NBN: variants seen among roughly 807,000 people sequenced by gnomAD.
NBN encodes nibrin.
In NBN, 88 loss-of-function variants were observed where a neutral mutation model predicts 90.8. The observed-to-expected ratio is 0.97, with a 90% CI of 0.82 to 1.16. The LOEUF is 1.16. Ranked by LOEUF, NBN falls within the 50% of genes most tolerant of loss-of-function variation. NBN has a pLI of 0.00. For synonymous variants in NBN, 328 were observed against 295.1 expected (o/e 1.11, Z -1.14); for missense variants, 894 against 869.6 (o/e 1.03, Z -0.35).
At chr8:89,941,180 T>C (rs1412667232) in intron 14 of NBN, among the ~76,000 whole-genome samples, 1 of 152,036 alleles carries the variant, frequency 6.6e-6, no homozygotes, top group Non-Finnish European at 1.5e-5. Flanking sequence ...TAGAAAAAAG[T>C]TCCTTGAGAA....
chr8:89,960,442 G>A (rs1278353326), intron 8 of NBN, among the ~76,000 whole-genome samples: 1 of 152,224 alleles, frequency 6.6e-6, no homozygotes, highest in South Asian at 2.1e-4. Flanking sequence ...TTGAGGCCAG[G>A]AGTTAAGAGA....
chr8:89,982,725 G>A lies in NBN; in HGVS notation c.168C>T (p.Asn56=), dbSNP rs1586111516. 1.2e-6 allele frequency: 2 copies of A among 1,613,120 alleles called. No homozygotes were observed. The highest frequency in any genetic ancestry group is 1.1e-5 in the South Asian group (1 of 91,070). The change falls in exon 2 of 16, where the codon AAC becomes AAT. Residue 56 remains asparagine, a synonymous_variant. Coordinates refer to ENST00000265433, the MANE Select transcript of NBN (RefSeq NM_002485.5). ...AVLTANFSVT[N]LSQTDEIPVL... ...TGAAATAAAATTAGTAACATACCAG[G>A]TTGGTTACAGAAAAGTTAGCAGTTA...
intron 7 of NBN, among the ~76,000 whole-genome samples, chr8:89,964,719 T>C (rs949388612): frequency 5.3e-5 from 8 of 152,136 alleles, no homozygotes; most frequent in Non-Finnish European, 2.9e-5. Flanking sequence ...ATTAACTTCA[T>C]CTGTAAAATA....
At position 89,968,859 on chromosome 8, in the gene NBN, C is replaced by T. The variant is rs554065983; in HGVS notation, c.896+1505G>A. Among the ~76,000 whole-genome samples the T allele has an allele frequency of 1.2e-4, 18 of 152,102 alleles. No homozygotes were observed. In the South Asian group the frequency reaches 3.7e-3, roughly 32 times the overall value. On this transcript the variant is annotated intron_variant, in intron 7 of 15. Transcript: ENST00000265433. ...CTTGTTTTTCATTATATTTCCAGTGCCTAAAACACAATGGAACTACAGTAA... is the reference window on the plus strand; with the variant it reads ...CTTGTTTTTCATTATATTTCCAGTGTCTAAAACACAATGGAACTACAGTAA...
At chr8:89,940,263 GTTTT>G (rs749458934) in intron 14 of NBN, among the ~76,000 whole-genome samples, 4 of 151,660 alleles carry the variant, frequency 2.6e-5, no homozygotes, top group Non-Finnish European at 4.4e-5. Flanking sequence ...AATTTGTTGT[GTTTT>G]TTTGTTTGTT....
intron 5 of NBN, among the ~76,000 whole-genome samples, chr8:89,977,766 G>A (rs1271293697): frequency 1.3e-5 from 2 of 152,138 alleles, no homozygotes; most frequent in Non-Finnish European, 2.9e-5. Flanking sequence ...AGCTAGGTAG[G>A]TATTACTCTC....
In NBN at chr8:89,937,307, T is replaced by C. The variant is rs1809738349; in HGVS notation, c.2185-232A>G. On this transcript the variant is annotated intron_variant, in intron 14 of 15. Transcript: ENST00000265433. ...ACAGCTTTCTCCCACCCATCTCCAC[T>C]CAAAGACAACCAATAGTATATTGCT... The C allele has an allele frequency of 5.6e-6, 3 of 535,818 alleles. No individual in the cohort carries two copies. In the African/African-American group the frequency reaches 5.7e-5, roughly 10 times the overall value. The allele number at this position is 535,818 out of a possible 1,614,324, so 33.2% of individuals were successfully genotyped here.
At chr8:89,945,055 T>C (rs546734490) in intron 13 of NBN, among the ~76,000 whole-genome samples, 1 of 152,344 alleles carries the variant, frequency 6.6e-6, no homozygotes, top group South Asian at 2.1e-4. Context: ...TTTCCAGAGA[T>C]TCATATTACT....
intron 12 of NBN, 86 bp from the exon 13 acceptor site, chr8:89,946,381 G>T: frequency 8.4e-7 from 1 of 1,188,622 alleles, no homozygotes. Flanking sequence ...ATAGAAAAAA[G>T]TTCAAATACC....
chr8:89,982,735 GAA>G lies in NBN; in HGVS notation c.156_157del (p.Ser53CysfsTer9), dbSNP rs767454740. ...TTAGTAACATACCAGGTTGGTTACA[GAA>G]AAGTTAGCAGTTAACACAGCATGAT... On this transcript the variant is annotated frameshift_variant, in exon 2 of 16. Coordinates refer to ENST00000265433, the MANE Select transcript of NBN (RefSeq NM_002485.5). LOFTEE classifies it high-confidence loss of function. 6.7e-5 allele frequency: 108 copies of G among 1,613,832 alleles called. No individual in the cohort carries two copies. Among genetic ancestry groups the G allele is most frequent in the Non-Finnish European group, 8.9e-5 (105 of 1,179,892 alleles).
chr8:89,953,391 T>C lies in NBN; in HGVS notation c.1698A>G (p.Leu566=), dbSNP rs1431614225. 1 of 1,613,778 alleles carries C rather than the reference T, an allele frequency of 6.2e-7. No homozygotes were observed. The highest frequency in any genetic ancestry group is 8.5e-7 in the Non-Finnish European group (1 of 1,179,814). ...CTAACTCTGGTTTTGTGTCCTTGAA[T>C]AACTGTTCCAATACTTCATCTTCTA... ...VAIEDEVLEQ[L]FKDTKPELEI... Residue 566 remains leucine, a synonymous_variant, in exon 11 of 16, where the codon TTA becomes TTG. Transcript: ENST00000265433.
In NBN at chr8:89,934,803, C is replaced by T. The variant is rs1038135391; in HGVS notation, c.*779G>A. 1 of 232,950 alleles carries T rather than the reference C, an allele frequency of 4.3e-6. No homozygotes were observed. The highest frequency in any genetic ancestry group is 2.2e-5 in the African/African-American group (1 of 45,326). The allele number at this position is 232,950 out of a possible 1,614,324, so 14.4% of individuals were successfully genotyped here. On this transcript the variant is annotated 3_prime_UTR_variant, in exon 16 of 16. Coordinates refer to ENST00000265433, the MANE Select transcript of NBN (RefSeq NM_002485.5). ...CTTTAAGGTAGAAAAAGAAAACAAT[C>T]TCACCATTTCTACTTTATAAGTAGG...
intron 11 of NBN, among the ~76,000 whole-genome samples, chr8:89,952,788 C>T (rs3026267): frequency 1.3e-5 from 2 of 152,166 alleles, no homozygotes; most frequent in South Asian, 4.2e-4. Context: ...TTTCATAGAT[C>T]AAAGTGGGTA....
At chr8:89,960,806 T>C (rs1213438328) in intron 8 of NBN, among the ~76,000 whole-genome samples, 1 of 152,098 alleles carries the variant, frequency 6.6e-6, no homozygotes, top group Non-Finnish European at 1.5e-5. Context: ...TACAGGTATA[T>C]AACAAATGTT....
chr8:89,952,412 T>C (rs1810484643), intron 11 of NBN, among the ~76,000 whole-genome samples: 1 of 152,170 alleles, frequency 6.6e-6, no homozygotes, highest in Non-Finnish European at 1.5e-5. Context: ...TAACAAATAA[T>C]GGGGATTCCC....
chr8:89,967,062 C>A (rs762174619), intron 7 of NBN, among the ~76,000 whole-genome samples: 3 of 152,164 alleles, frequency 2.0e-5, no homozygotes, highest in South Asian at 2.1e-4. Context: ...ATTATGACAT[C>A]GGCAAGAAAA....
At chr8:89,950,363 A>G (rs1810391564) in intron 11 of NBN, among the ~76,000 whole-genome samples, 1 of 152,200 alleles carries the variant, frequency 6.6e-6, no homozygotes, top group Admixed American at 6.5e-5. Context: ...ACAATACCTA[A>G]TACAATGTAA....
At chr8:89,970,248 T>C in intron 7 of NBN, 116 bp downstream of exon 7, 2 of 847,982 alleles carry the variant, frequency 2.4e-6, no homozygotes, top group Non-Finnish European at 3.7e-6. Flanking sequence ...AGACTCCGTC[T>C]CAAAAAAAAA....
chr8:89,973,054 G>A (rs1811588164), intron 5 of NBN, among the ~76,000 whole-genome samples: 3 of 152,168 alleles, frequency 2.0e-5, no homozygotes, highest in Admixed American at 2.0e-4. Flanking sequence ...GTGTATGGTA[G>A]CCTGTTAGGC....
Sources: allele counts gnomAD v4.1 joint callset (sites outside exome capture counted in the v4.1 genomes callset), GRCh38; gene constraint gnomAD v4.1.1; transcripts MANE v1.5; gene names NCBI Gene and HGNC (gene_info 2026-07-23, HGNC 2026-07-21).